Variants in ITSN1 observed in about 807,000 individuals in gnomAD.
The protein encoded by ITSN1 is intersectin-1.
In ITSN1, 58 loss-of-function variants were observed where a neutral mutation model predicts 239.8. That is an observed-to-expected ratio of 0.24 (90% CI 0.20 to 0.30). The LOEUF is 0.30. ITSN1 is among the 10% of genes least tolerant of loss of function. The probability of loss-of-function intolerance (pLI) is 1.00; values close to 1 mark genes in which losing one functional copy is unlikely to be tolerated. For synonymous variants in ITSN1, 780 were observed against 770.8 expected (o/e 1.01, Z -0.20); for missense variants, 1,558 against 2,103.3 (o/e 0.74, Z 5.07).
intron 1 of ITSN1, among the ~76,000 whole-genome samples, chr21:33,706,277 C>T (rs2092244647): frequency 6.6e-6 from 1 of 152,128 alleles, no homozygotes; most frequent in Admixed American, 6.5e-5. Flanking sequence ...CCTCAGCCTC[C>T]CAAAGTGCTG....
chr21:33,878,694 G>A (rs971956319), intron 34 of ITSN1, among the ~76,000 whole-genome samples: 3 of 152,202 alleles, frequency 2.0e-5, no homozygotes, highest in Admixed American at 6.5e-5. Context: ...CGTGGAAGCC[G>A]AGAGGACAGC....
intron 4 of ITSN1, among the ~76,000 whole-genome samples, chr21:33,725,292 C>T (rs533891868): frequency 2.6e-5 from 4 of 151,624 alleles, no homozygotes; most frequent in South Asian, 2.1e-4. Context: ...TACACCACCA[C>T]GCCTGGCTGA....
intron 5 of ITSN1, among the ~76,000 whole-genome samples, chr21:33,747,155 A>T (rs1469686889): frequency 6.6e-6 from 1 of 152,208 alleles, no homozygotes; most frequent in Non-Finnish European, 1.5e-5. Flanking sequence ...CCTTGTCTCA[A>T]AACAAAAACA....
intron 1 of ITSN1, among the ~76,000 whole-genome samples, chr21:33,666,544 T>G (rs1727809637): frequency 6.6e-6 from 1 of 152,250 alleles, no homozygotes; most frequent in Non-Finnish European, 1.5e-5. Context: ...CTTAAACCAT[T>G]TTATTGTAAT....
In ITSN1 at chr21:33,797,705, C is replaced by T; in HGVS notation, c.2182+97C>T. On this transcript the variant is annotated intron_variant, in intron 18 of 39. Transcript: ENST00000381318. The surrounding 1 kb of genome is among the most constrained non-coding windows in gnomAD (Gnocchi z 4.9). Reference sequence around the variant, plus strand: ...ATCTCATCAGTACCTGTCTTGGCTACATTAACAGATGAGAACGTCAGTCTC... The same window carrying T: ...ATCTCATCAGTACCTGTCTTGGCTATATTAACAGATGAGAACGTCAGTCTC... The T allele has an allele frequency of 1.2e-6, 1 of 866,288 alleles. No homozygotes were observed. Among genetic ancestry groups the T allele is most frequent in the Non-Finnish European group, 1.8e-6 (1 of 551,002 alleles). 53.7% of individuals were successfully genotyped at this position (866,288 alleles called of 1,614,324 possible).
chr21:33,750,048 GA>G lies in ITSN1; in HGVS notation c.347-92del. 5 of 1,142,470 alleles carry G rather than the reference GA, an allele frequency of 4.4e-6. No homozygotes were observed. The South Asian group carries it at 6.6e-5, about 15-fold the overall frequency. The allele number at this position is 1,142,470 out of a possible 1,614,324, so 70.8% of individuals were successfully genotyped here. On this transcript the variant is annotated intron_variant, in intron 5 of 39. Coordinates refer to ENST00000381318, the MANE Select transcript of ITSN1 (RefSeq NM_003024.3). ...TTTTAATTGGAATATATTACAGCTG[GA>G]AAGTGATTTTCTTTAAGCAGTACTG...
intron 16 of ITSN1, among the ~76,000 whole-genome samples, chr21:33,791,103 T>TA (rs2071092189): frequency 6.6e-6 from 1 of 152,348 alleles, no homozygotes; most frequent in South Asian, 2.1e-4. Flanking sequence ...TTCAACTTTT[T>TA]AAAAAGCTTA....
intron 4 of ITSN1, among the ~76,000 whole-genome samples, chr21:33,734,782 T>G (rs2066397554): frequency 6.6e-6 from 1 of 152,208 alleles, no homozygotes; most frequent in South Asian, 2.1e-4. Flanking sequence ...GAAACCCCTT[T>G]TGATGTCTAA....
intron 4 of ITSN1, among the ~76,000 whole-genome samples, chr21:33,725,318 T>C (rs1277456902): frequency 6.6e-6 from 1 of 151,658 alleles, no homozygotes; most frequent in Non-Finnish European, 1.5e-5. Flanking sequence ...GTATTTTTAG[T>C]AGAGATGGGA....
intron 1 of ITSN1, among the ~76,000 whole-genome samples, chr21:33,693,947 T>G (rs1376483625): frequency 6.6e-6 from 1 of 152,260 alleles, no homozygotes; most frequent in Non-Finnish European, 1.5e-5. Flanking sequence ...TGTTTCTGTG[T>G]CTTAAACACA....
chr21:33,833,067 TTGG>T (rs2074387892), intron 27 of ITSN1, among the ~76,000 whole-genome samples: 2 of 152,050 alleles, frequency 1.3e-5, no homozygotes, highest in Non-Finnish European at 2.9e-5. Flanking sequence ...TTCTCTTTTC[TTGG>T]TGGTGTACAG....
chr21:33,874,805 C>T (rs111585689), intron 33 of ITSN1, among the ~76,000 whole-genome samples: 12,047 of 152,024 alleles, frequency 0.079, 705 homozygotes, highest in East Asian at 0.25. Context: ...TGCGCCACCA[C>T]GCCCAGCTAA....
chr21:33,722,519 T>C (rs935296866), intron 3 of ITSN1, 69 bp from the exon 4 acceptor site: 2 of 1,514,552 alleles, frequency 1.3e-6, no homozygotes, highest in Non-Finnish European at 1.8e-6. Flanking sequence ...GTAATTTTGC[T>C]ATTACAGGAT....
chr21:33,758,479 C>A lies in ITSN1; in HGVS notation c.724+3082C>A, dbSNP rs533702543. ...GATTTAGCCGATACATCCTGTTGGA[C>A]ACCCTGTTCTTCCTTCATGGCTTGA... On this transcript the variant is annotated intron_variant, in intron 8 of 39. Coordinates refer to ENST00000381318, the MANE Select transcript of ITSN1 (RefSeq NM_003024.3). Among the ~76,000 whole-genome samples, 5 of 152,330 alleles carry A rather than the reference C, an allele frequency of 3.3e-5. No individual in the cohort carries two copies. In the South Asian group the frequency reaches 1.0e-3, roughly 32 times the overall value.
rs559368900 is a variant in ITSN1, at chr21:33,819,657, C to T, written c.3016+334C>T. Among the ~76,000 whole-genome samples, 87 of 152,358 alleles carry T rather than the reference C, an allele frequency of 5.7e-4. No homozygotes were observed. In the South Asian group the frequency reaches 0.012, roughly 21 times the overall value. The stretch of plus-strand genomic sequence containing the variant: ...TGCTTCACCTAACATAGTCTAGTCT[C>T]ATCTGACTTCATAGATAAGTATTTC... On this transcript the variant is annotated intron_variant, in intron 24 of 39. Coordinates refer to ENST00000381318, the MANE Select transcript of ITSN1 (RefSeq NM_003024.3).
chr21:33,788,199 A>G (rs1336408935), intron 16 of ITSN1, among the ~76,000 whole-genome samples: 1 of 152,154 alleles, frequency 6.6e-6, no homozygotes, highest in East Asian at 1.9e-4. Context: ...GTACTTCCCA[A>G]AGCCTCATGG....
chr21:33,877,517 C>T (rs1984142967), intron 34 of ITSN1, among the ~76,000 whole-genome samples: 1 of 152,188 alleles, frequency 6.6e-6, no homozygotes, highest in Admixed American at 6.5e-5. Context: ...ATTCTCAGGG[C>T]ACGTTTTCCT....
intron 8 of ITSN1, among the ~76,000 whole-genome samples, chr21:33,759,119 CA>C (rs1244482020): frequency 6.6e-6 from 1 of 152,170 alleles, no homozygotes; most frequent in Non-Finnish European, 1.5e-5. Context: ...GCTCATAGGT[CA>C]TATGTTCTCT....
At chr21:33,839,443 G>A (rs2074749828) in intron 29 of ITSN1, among the ~76,000 whole-genome samples, 2 of 152,082 alleles carry the variant, frequency 1.3e-5, no homozygotes. Flanking sequence ...AGATGGAGTG[G>A]GGGAAGAGGT....
Sources: allele counts gnomAD v4.1 joint callset (sites outside exome capture counted in the v4.1 genomes callset), GRCh38; gene constraint gnomAD v4.1.1; non-coding constraint Gnocchi (gnomAD v3.1); transcripts MANE v1.5; gene names NCBI Gene and HGNC (gene_info 2026-07-23, HGNC 2026-07-21).